The following PBX3 variants were observed in gnomAD, a reference collection of about 807,000 sequenced individuals.
PBX3 encodes pre-B-cell leukemia transcription factor 3.
Under a neutral mutation model 48.5 loss-of-function variants are expected in PBX3, and 14 were observed. The observed-to-expected ratio is 0.29, with a 90% CI of 0.19 to 0.45. PBX3 has a LOEUF of 0.45. PBX3 is among the 20% of genes least tolerant of loss of function. PBX3 has a pLI of 1.00. For missense variants in PBX3, 386 were observed against 546.7 expected, an observed-to-expected ratio of 0.71 and a Z score of 2.93; for synonymous variants, 210 against 200.3, an observed-to-expected ratio of 1.05 and a Z score of -0.41.
At chr9:125,964,837 C>G (rs1842498551) in intron 8 of PBX3, among the ~76,000 whole-genome samples, 1 of 152,196 alleles carries the variant, frequency 6.6e-6, no homozygotes, top group Non-Finnish European at 1.5e-5. Context: ...GATGGACTTG[C>G]AGAGGAAGTT....
intron 3 of PBX3, among the ~76,000 whole-genome samples, chr9:125,917,164 G>T (rs1283170743): frequency 6.6e-6 from 1 of 152,158 alleles, no homozygotes; most frequent in Non-Finnish European, 1.5e-5. Context: ...ACACACTTTA[G>T]TGTGAAATGG....
intron 2 of PBX3, among the ~76,000 whole-genome samples, chr9:125,891,566 G>T (rs1388406403): frequency 6.6e-6 from 1 of 152,182 alleles, no homozygotes; most frequent in Non-Finnish European, 1.5e-5. Context: ...TGTTTATAGA[G>T]TTAATTTTTT....
At chr9:125,782,043 A>G (rs1837335280) in intron 2 of PBX3, among the ~76,000 whole-genome samples, 1 of 152,152 alleles carries the variant, frequency 6.6e-6, no homozygotes, top group African/African-American at 2.4e-5. Flanking sequence ...GGGGATTACA[A>G]TTAATATCCT....
At chr9:125,822,103 G>T (rs1838669357) in intron 2 of PBX3, among the ~76,000 whole-genome samples, 1 of 152,100 alleles carries the variant, frequency 6.6e-6, no homozygotes, top group South Asian at 2.1e-4. Context: ...TGCATTAATA[G>T]TGGAGTTATT....
chr9:125,759,497 AAGG>A lies in PBX3; in HGVS notation c.274+10877_274+10879del, dbSNP rs147118374. Among the ~76,000 whole-genome samples, 4 of 152,336 alleles carry A rather than the reference AAGG, an allele frequency of 2.6e-5. No individual in the cohort carries two copies. The highest frequency in any genetic ancestry group is 1.9e-4 in the East Asian group (1 of 5,186). ...TCCCCTACTCCTCATGCAAGCAAAA[AAGG>A]AGAAGTTGTCAATGAAAGAAAAAGA... is the stretch of plus-strand genomic sequence containing the variant. On this transcript the variant is annotated intron_variant, in intron 2 of 8. Transcript: ENST00000373489. This position sits in a 1 kb window ranked among gnomAD's most constrained non-coding sequence, Gnocchi z 4.2.
At chr9:125,867,763 T>C (rs773588151) in intron 2 of PBX3, among the ~76,000 whole-genome samples, 18 of 151,552 alleles carry the variant, frequency 1.2e-4, no homozygotes, top group South Asian at 2.1e-4. Flanking sequence ...TATATATATA[T>C]ACACACACAT....
chr9:125,820,310 C>T (rs775828564), intron 2 of PBX3, among the ~76,000 whole-genome samples: 5 of 152,140 alleles, frequency 3.3e-5, no homozygotes, highest in East Asian at 1.9e-4. Flanking sequence ...CACTTGATAC[C>T]GAGATTAAGG....
chr9:125,833,252 G>A (rs563653424), intron 2 of PBX3, among the ~76,000 whole-genome samples: 5 of 152,258 alleles, frequency 3.3e-5, no homozygotes, highest in African/African-American at 4.8e-5. Context: ...TTGGGAGGAC[G>A]AGAGAGGTAG....
intron 2 of PBX3, among the ~76,000 whole-genome samples, chr9:125,787,553 C>T (rs181647420): frequency 6.6e-6 from 1 of 152,250 alleles, no homozygotes; most frequent in African/African-American, 2.4e-5. Context: ...ACATCGACTA[C>T]AACTTGAGTA....
intron 2 of PBX3, among the ~76,000 whole-genome samples, chr9:125,780,718 GGGGGGCT>G: frequency 1.3e-5 from 1 of 74,152 alleles, no homozygotes; most frequent in African/African-American, 6.5e-5. Context: ...CCTCCCGGAC[GGGGGGCT>G]GACCCCCCCC....
In PBX3 at chr9:125,887,080, C is replaced by T. The variant is rs145850446; in HGVS notation, c.275-28606C>T. On this transcript the variant is annotated intron_variant, in intron 2 of 8. Coordinates refer to ENST00000373489, the MANE Select transcript of PBX3 (RefSeq NM_006195.6). ...CATTTTAAGAAGAAGACAACCCAGA[C>T]CATTTTGGTTGTATGCACAGCTTTC... 6.2e-4 allele frequency among the ~76,000 whole-genome samples: 95 copies of T among 152,232 alleles called. 2 individuals carry two copies. Among genetic ancestry groups the T allele is most frequent in the African/African-American group, 1.7e-3 (69 of 41,562 alleles).
At chr9:125,939,495 G>A (rs1841913364) in intron 5 of PBX3, among the ~76,000 whole-genome samples, 1 of 152,128 alleles carries the variant, frequency 6.6e-6, no homozygotes, top group Non-Finnish European at 1.5e-5. Context: ...ATTGGTGGTA[G>A]GGATGTAAAT....
At chr9:125,812,237 A>G (rs1838311488) in intron 2 of PBX3, among the ~76,000 whole-genome samples, 1 of 152,210 alleles carries the variant, frequency 6.6e-6, no homozygotes. Flanking sequence ...CTGCCTCTAA[A>G]TATCATATTG....
At chr9:125,825,787 G>A (rs1343849829) in intron 2 of PBX3, among the ~76,000 whole-genome samples, 1 of 152,140 alleles carries the variant, frequency 6.6e-6, no homozygotes, top group East Asian at 1.9e-4. Context: ...GTGTACTTCT[G>A]CTATCCTGTA....
intron 2 of PBX3, among the ~76,000 whole-genome samples, chr9:125,899,247 A>G (rs1315982526): frequency 8.4e-5 from 11 of 131,532 alleles, no homozygotes; most frequent in Non-Finnish European, 1.3e-4. Context: ...AAATATACAT[A>G]TGTATATATA....
At chr9:125,935,736 A>G (rs1841822024) in intron 5 of PBX3, 129 bp downstream of exon 5, 6 of 962,580 alleles carry the variant, frequency 6.2e-6, no homozygotes, top group Non-Finnish European at 4.5e-6. Context: ...GAAAATGTAG[A>G]TATTTCCACA....
chr9:125,877,444 CA>C (rs1334996863), intron 2 of PBX3, among the ~76,000 whole-genome samples: 1 of 152,142 alleles, frequency 6.6e-6, no homozygotes, highest in African/African-American at 2.4e-5. Context: ...TCTGTCACAC[CA>C]GATGGCATTA....
At chr9:125,822,559 T>C (rs952982275) in intron 2 of PBX3, among the ~76,000 whole-genome samples, 1 of 152,220 alleles carries the variant, frequency 6.6e-6, no homozygotes, top group Non-Finnish European at 1.5e-5. Context: ...TGTATATTTC[T>C]TTACGTTGAA....
intron 2 of PBX3, among the ~76,000 whole-genome samples, chr9:125,780,438 A>G (rs867833968): frequency 0.054 from 2,145 of 39,996 alleles, no homozygotes; most frequent in Middle Eastern, 0.13. Context: ...CCTCCCTCCC[A>G]GACGGGGCGG....
Sources: gnomAD v4.1 joint callset for allele counts (sites outside exome capture counted in the v4.1 genomes callset) on GRCh38, gnomAD v4.1.1 for gene constraint, Gnocchi (gnomAD v3.1) non-coding constraint, MANE v1.5 for transcripts, NCBI Gene and HGNC (gene_info 2026-07-23, HGNC 2026-07-21) for gene names.